The following DAPK2 variants were observed in gnomAD, a reference collection of about 807,000 sequenced individuals.
DAPK2 encodes the protein death associated protein kinase 2.
Under a neutral mutation model 44.1 loss-of-function variants are expected in DAPK2, and 35 were observed. That is an observed-to-expected ratio of 0.79 (90% confidence interval 0.61 to 1.05). DAPK2 has a LOEUF of 1.05. Among genes scored for constraint, DAPK2 ranks in the 50% least tolerant of loss-of-function variants. The pLI, the probability that DAPK2 is intolerant of heterozygous loss-of-function variation, is 0.00. For synonymous variants in DAPK2, 174 were observed against 182.6 expected, an observed-to-expected ratio of 0.95 and a Z score of 0.38; for missense variants, 453 against 483.2, an observed-to-expected ratio of 0.94 and a Z score of 0.59.
chr15:64,045,313 G>GT (rs1476366013), intron 1 of DAPK2, among the ~76,000 whole-genome samples: 1 of 152,318 alleles, frequency 6.6e-6, no homozygotes, highest in African/African-American at 2.4e-5. Flanking sequence ...GAGATGAGCG[G>GT]TTTGGGGAAG....
Position 63,980,414 on chromosome 15 carries a change from C to T in DAPK2, c.314+3119G>A, listed in dbSNP as rs537776706. ...ATAAAGATCAATAAATAATGAAACA[C>T]GTTTCAAAACAAATGACCCAGGGCT... On this transcript the variant is annotated intron_variant, in intron 2 of 10. Transcript: ENST00000261891. This position sits in a 1 kb window ranked among gnomAD's most constrained non-coding sequence, Gnocchi z 4.3. Among the ~76,000 whole-genome samples the T allele has an allele frequency of 1.3e-5, 2 of 152,278 alleles. No individual in the cohort carries two copies. Among genetic ancestry groups the T allele is most frequent in the African/African-American group, 2.4e-5 (1 of 41,564 alleles).
chr15:64,003,649 A>G (rs1221833444), intron 1 of DAPK2, among the ~76,000 whole-genome samples: 5 of 152,118 alleles, frequency 3.3e-5, no homozygotes, highest in African/African-American at 1.2e-4. Flanking sequence ...TCTGTCACCC[A>G]GGCTGGAGTG....
At chr15:64,029,936 T>A (rs2079963536) in intron 1 of DAPK2, 1 of 152,432 alleles carries the variant, frequency 6.6e-6, no homozygotes, top group African/African-American at 2.4e-5. Flanking sequence ...AGCTCACAGT[T>A]CCCTACCCCC....
At chr15:64,039,588 T>C (rs1218431606) in intron 1 of DAPK2, among the ~76,000 whole-genome samples, 2 of 152,138 alleles carry the variant, frequency 1.3e-5, no homozygotes, top group African/African-American at 4.8e-5. Flanking sequence ...CTTCAGAAAA[T>C]CTTAATTTCT....
chr15:64,026,391 A>G (rs1206685964), intron 1 of DAPK2, among the ~76,000 whole-genome samples: 1 of 152,022 alleles, frequency 6.6e-6, no homozygotes, highest in Non-Finnish European at 1.5e-5. Context: ...CTACAGGCGC[A>G]TGCCACCACA....
In DAPK2 at chr15:63,908,832, A is replaced by C; in HGVS notation, c.1033-232T>G. 2.6e-6 allele frequency: 1 copy of C among 380,724 alleles called. No homozygotes were observed. The highest frequency in any genetic ancestry group is 4.7e-6 in the Non-Finnish European group (1 of 211,660). The allele number at this position is 380,724 out of a possible 1,614,324, so 23.6% of individuals were successfully genotyped here. ...GGAAAGCAGCAGGGCATCTAAGGGA[A>C]ACCAGACATCAGGAGAGGCCAAATT... On this transcript the variant is annotated intron_variant, in intron 10 of 10. Transcript: ENST00000261891. The surrounding 1 kb of genome is among the most constrained non-coding windows in gnomAD (Gnocchi z 5.7).
At chr15:63,935,599 T>C (rs543828238) in intron 4 of DAPK2, 1 of 152,328 alleles carries the variant, frequency 6.6e-6, no homozygotes, top group South Asian at 2.1e-4. Context: ...ATAATGTGTC[T>C]AGGTAAGATT....
chr15:64,022,204 G>T (rs1300298052), intron 1 of DAPK2, among the ~76,000 whole-genome samples: 1 of 152,186 alleles, frequency 6.6e-6, no homozygotes, highest in African/African-American at 2.4e-5. Flanking sequence ...AATGCTACAG[G>T]TAGTGGCTAC....
intron 1 of DAPK2, among the ~76,000 whole-genome samples, chr15:64,033,674 C>T (rs1480891794): frequency 6.6e-6 from 1 of 151,810 alleles, no homozygotes; most frequent in Non-Finnish European, 1.5e-5. Context: ...TTTGGGAGGC[C>T]GAGGCGGGTG....
At chr15:63,984,342 A>G (rs1311417185) in intron 1 of DAPK2, among the ~76,000 whole-genome samples, 1 of 152,240 alleles carries the variant, frequency 6.6e-6, no homozygotes, top group East Asian at 1.9e-4. Context: ...CCGGCTGTCC[A>G]CAAAGCCTCT....
chr15:63,983,729 A>G, exon 2 of DAPK2: 1 of 1,612,350 alleles, frequency 6.2e-7, no homozygotes, highest in East Asian at 2.2e-5. Flanking sequence ...TTCTCCCGGC[A>G]CTTCTTCACG....
chr15:63,963,764 A>G (rs916016962), intron 3 of DAPK2, among the ~76,000 whole-genome samples: 1 of 152,180 alleles, frequency 6.6e-6, no homozygotes, highest in Non-Finnish European at 1.5e-5. Context: ...AAACACTGTC[A>G]TATAATTCAT....
intron 1 of DAPK2, 56 bp downstream of exon 2, chr15:64,040,111 CAGA>C: frequency 7.3e-7 from 1 of 1,371,674 alleles, no homozygotes; most frequent in Non-Finnish European, 1.0e-6. Flanking sequence ...ACAACTGTGC[CAGA>C]AGAAGCATGA....
rs1281414558 is a variant in DAPK2 at position 63,971,406 on chromosome 15, T to C, written c.453+17A>G. 2.5e-6 allele frequency: 4 copies of C among 1,613,886 alleles called. No individual in the cohort carries two copies. In the Middle Eastern group the frequency reaches 6.6e-4, roughly 266 times the overall value. On this transcript the variant is annotated intron_variant, in intron 3 of 10. Coordinates refer to ENST00000261891, the Ensembl canonical transcript of DAPK2. ...TCTTCCTAAACTTGATTCTTTTCCC[T>C]TTCTCCCCTTACTGACCTTGAGATC... is the stretch of plus-strand genomic sequence containing the variant.
chr15:63,965,960 C>A (rs2078043820), intron 3 of DAPK2, among the ~76,000 whole-genome samples: 1 of 152,224 alleles, frequency 6.6e-6, no homozygotes, highest in African/African-American at 2.4e-5. Context: ...TGTGGTCAAG[C>A]TAGTACCTAT....
At position 64,036,212 on chromosome 15, in the gene DAPK2, G is replaced by A. The variant is rs2141181413; in HGVS notation, c.92+3958C>T. On this transcript the variant is annotated intron_variant, in intron 1 of 10. Coordinates refer to ENST00000261891, the Ensembl canonical transcript of DAPK2. Reference sequence around the variant, plus strand: ...GGAGATGGAGGTTGCAGTGAGCCGAGATCTCACCACTGCACTCCAACCTGG... The same window carrying A: ...GGAGATGGAGGTTGCAGTGAGCCGAAATCTCACCACTGCACTCCAACCTGG... Among the ~76,000 whole-genome samples the A allele has an allele frequency of 2.1e-5, 3 of 146,006 alleles. No individual in the cohort carries two copies. In the Middle Eastern group the frequency reaches 0.011, roughly 525 times the overall value.
chr15:63,929,948 T>C (rs1280662743), intron 5 of DAPK2: 1 of 449,332 alleles, frequency 2.2e-6, no homozygotes, highest in Non-Finnish European at 4.2e-6. Context: ...ACAAAGGTGC[T>C]TGGCCAACTA....
Position 63,908,383 on chromosome 15 carries a change from T to G in DAPK2, c.*137A>C, listed in dbSNP as rs924210133. 8.6e-6 allele frequency: 4 copies of G among 462,464 alleles called. No homozygotes were observed. The highest frequency in any genetic ancestry group is 8.1e-5 in the African/African-American group (4 of 49,354). The allele number at this position is 462,464 out of a possible 1,614,324, so 28.6% of individuals were successfully genotyped here. The stretch of plus-strand genomic sequence containing the variant: ...CTCCTGGCTTGCCTGCAAGCTCTTC[T>G]GAATTCCTTGGGCCCATCTCTCTTG... On this transcript the variant is annotated 3_prime_UTR_variant, in exon 11 of 11. Coordinates refer to ENST00000261891, the Ensembl canonical transcript of DAPK2. This position sits in a 1 kb window ranked among gnomAD's most constrained non-coding sequence, Gnocchi z 5.7.
At chr15:63,955,478 G>A (rs934550180) in intron 3 of DAPK2, among the ~76,000 whole-genome samples, 1 of 152,170 alleles carries the variant, frequency 6.6e-6, no homozygotes, top group South Asian at 2.1e-4. Context: ...TTGGTATAAG[G>A]ATAATACTGG....
Sources: gnomAD v4.1 joint callset for allele counts (sites outside exome capture counted in the v4.1 genomes callset) on GRCh38, gnomAD v4.1.1 for gene constraint, Gnocchi (gnomAD v3.1) non-coding constraint, MANE v1.5 for transcripts, NCBI Gene and HGNC (gene_info 2026-07-23, HGNC 2026-07-21) for gene names.